ZNF804B: variants seen among roughly 807,000 people sequenced by gnomAD.
The protein encoded by ZNF804B is zinc finger 804B.
In ZNF804B, 80 loss-of-function variants were observed where a neutral mutation model predicts 101.4. The ratio of observed to expected loss-of-function variants is 0.79; its 90% confidence interval spans 0.66 to 0.95. The LOEUF is 0.95. Ranked by LOEUF, ZNF804B falls within the 40% of genes least tolerant of loss-of-function variation. The probability of loss-of-function intolerance (pLI) is 0.00; values close to 1 mark genes in which losing one functional copy is unlikely to be tolerated. For synonymous variants in ZNF804B, 622 were observed against 558.8 expected, an observed-to-expected ratio of 1.11 and a Z score of -1.59; for missense variants, 1,673 against 1,561.9, an observed-to-expected ratio of 1.07 and a Z score of -1.20.
chr7:88,935,552 A>G (rs959931168), intron 1 of ZNF804B, among the ~76,000 whole-genome samples: 8 of 151,526 alleles, frequency 5.3e-5, no homozygotes, highest in Non-Finnish European at 1.2e-4. Flanking sequence ...TAATAAAAAG[A>G]ATGCTCCTTA....
chr7:88,888,279 C>A (rs1031906533), intron 1 of ZNF804B, among the ~76,000 whole-genome samples: 2 of 152,022 alleles, frequency 1.3e-5, no homozygotes, highest in African/African-American at 4.8e-5. Flanking sequence ...GTAATCCTGG[C>A]TACTTGGGAG....
intron 1 of ZNF804B, among the ~76,000 whole-genome samples, chr7:89,018,799 A>G (rs573566943): frequency 8.6e-5 from 13 of 151,936 alleles, no homozygotes; most frequent in African/African-American, 2.7e-4. Context: ...GTTCATTAGA[A>G]TCTCTAATAA....
intron 1 of ZNF804B, among the ~76,000 whole-genome samples, chr7:89,069,395 T>C (rs1347656180): frequency 6.6e-6 from 1 of 152,138 alleles, no homozygotes; most frequent in Non-Finnish European, 1.5e-5. Context: ...ATAGAACTAA[T>C]ATGAGCTTAT....
At chr7:88,815,163 G>T (rs959465544) in intron 1 of ZNF804B, among the ~76,000 whole-genome samples, 1 of 147,214 alleles carries the variant, frequency 6.8e-6, no homozygotes, top group African/African-American at 2.5e-5. Flanking sequence ...TATTCTAAAT[G>T]TTATATATAA....
intron 1 of ZNF804B, among the ~76,000 whole-genome samples, chr7:89,133,431 T>C (rs1790582231): frequency 6.6e-6 from 1 of 152,052 alleles, no homozygotes; most frequent in Non-Finnish European, 1.5e-5. Context: ...TAGGTTCCTT[T>C]CACATAAGGC....
chr7:89,097,078 A>G (rs1789980752), intron 1 of ZNF804B, among the ~76,000 whole-genome samples: 1 of 152,178 alleles, frequency 6.6e-6, no homozygotes, highest in Non-Finnish European at 1.5e-5. Flanking sequence ...TAAATCCTGT[A>G]TTCAGGTTCA....
At chr7:89,173,162 T>C (rs1230457482) in intron 1 of ZNF804B, among the ~76,000 whole-genome samples, 2 of 152,152 alleles carry the variant, frequency 1.3e-5, no homozygotes, top group East Asian at 3.9e-4. Flanking sequence ...TCCCTGACTA[T>C]GTGAAACATG....
chr7:89,016,887 G>C lies in ZNF804B; in HGVS notation c.109-201268G>C, dbSNP rs1788572813. ...AATTCTGTGAAGAAAGTCATTGGTA[G>C]CTTGATGGGGATGGCATTGAATCTA... On this transcript the variant is annotated intron_variant, in intron 1 of 3. Transcript: ENST00000333190. 4.6e-5 allele frequency among the ~76,000 whole-genome samples: 7 copies of C among 152,270 alleles called. No homozygotes were observed. The South Asian group carries it at 1.5e-3, about 32-fold the overall frequency.
chr7:89,044,585 G>C (rs2373835), intron 1 of ZNF804B, among the ~76,000 whole-genome samples: 1 of 151,918 alleles, frequency 6.6e-6, no homozygotes, highest in Admixed American at 6.6e-5. Context: ...TGCTGATAGC[G>C]ACATGGACAA....
Position 88,798,573 on chromosome 7 carries a change from T to C in ZNF804B, c.108+38489T>C, listed in dbSNP as rs553065186. Among the ~76,000 whole-genome samples the C allele has an allele frequency of 2.0e-5, 3 of 152,254 alleles. No homozygotes were observed. The South Asian group carries it at 6.2e-4, about 32-fold the overall frequency. Reference sequence around the variant, plus strand: ...TGTAATTTTCCATTTTCAAATTATTTTTTTGCTATTGGGTTGCTTCCTAAA... The same window carrying C: ...TGTAATTTTCCATTTTCAAATTATTCTTTTGCTATTGGGTTGCTTCCTAAA... On this transcript the variant is annotated intron_variant, in intron 1 of 3. Coordinates refer to ENST00000333190, the MANE Select transcript of ZNF804B (RefSeq NM_181646.5).
chr7:89,063,305 A>G (rs1269306275), intron 1 of ZNF804B, among the ~76,000 whole-genome samples: 1 of 152,178 alleles, frequency 6.6e-6, no homozygotes, highest in Non-Finnish European at 1.5e-5. Flanking sequence ...GAAAACATAT[A>G]GCTATTTACT....
intron 1 of ZNF804B, among the ~76,000 whole-genome samples, chr7:88,997,740 T>C (rs1441313011): frequency 6.6e-6 from 1 of 152,116 alleles, no homozygotes; most frequent in Non-Finnish European, 1.5e-5. Flanking sequence ...GATTGGCTTA[T>C]ACAGCCATTT....
chr7:88,840,718 A>G (rs1791282579), intron 1 of ZNF804B, among the ~76,000 whole-genome samples: 2 of 152,174 alleles, frequency 1.3e-5, no homozygotes, highest in South Asian at 2.1e-4. Context: ...GATTGGACAT[A>G]CAGAAAACCA....
At chr7:89,283,793 G>A (rs1342327647) in intron 2 of ZNF804B, among the ~76,000 whole-genome samples, 1 of 151,744 alleles carries the variant, frequency 6.6e-6, no homozygotes, top group African/African-American at 2.4e-5. Context: ...TTGACCCTAG[G>A]TAGCATAGAT....
At chr7:88,936,112 T>A (rs5885644) in intron 1 of ZNF804B, among the ~76,000 whole-genome samples, 40,306 of 141,514 alleles carry the variant, frequency 0.28, 6,356 homozygotes, top group African/African-American at 0.44. Flanking sequence ...TTTTTTTTTT[T>A]AAAAAAAATA....
intron 1 of ZNF804B, among the ~76,000 whole-genome samples, chr7:89,133,758 G>A (rs993568390): frequency 2.6e-5 from 4 of 151,972 alleles, no homozygotes; most frequent in Non-Finnish European, 4.4e-5. Flanking sequence ...AATATAAAAG[G>A]TTTCTACAAG....
At chr7:88,857,025 A>G in intron 1 of ZNF804B, among the ~76,000 whole-genome samples, 1 of 152,050 alleles carries the variant, frequency 6.6e-6, no homozygotes, top group East Asian at 1.9e-4. Flanking sequence ...TTTATTGAGG[A>G]TTTTTGCATC....
intron 1 of ZNF804B, among the ~76,000 whole-genome samples, chr7:88,792,807 T>G (rs1166319767): frequency 6.6e-6 from 1 of 152,110 alleles, no homozygotes; most frequent in Non-Finnish European, 1.5e-5. Flanking sequence ...GAAACTTCAG[T>G]TAAAACTGAA....
At chr7:89,016,756 T>TG (rs1327307783) in intron 1 of ZNF804B, among the ~76,000 whole-genome samples, 61 of 152,326 alleles carry the variant, frequency 4.0e-4, no homozygotes, top group Admixed American at 2.4e-3. Context: ...TAGTATAGTT[T>TG]GAAGTCAGGT....
Sources: allele counts gnomAD v4.1 joint callset (sites outside exome capture counted in the v4.1 genomes callset), GRCh38; gene constraint gnomAD v4.1.1; transcripts MANE v1.5; gene names NCBI Gene and HGNC (gene_info 2026-07-23, HGNC 2026-07-21).